The following TIAM1 variants were observed in gnomAD, a reference collection of about 807,000 sequenced individuals.
TIAM1 encodes rho guanine nucleotide exchange factor TIAM1.
TIAM1 carries 65 observed loss-of-function variants against 163.5 expected under a neutral mutation model. The observed-to-expected ratio is 0.40, with a 90% CI of 0.33 to 0.49. The LOEUF is 0.49. Ranked by LOEUF, TIAM1 falls within the 20% of genes least tolerant of loss-of-function variation. The pLI is 0.77. For synonymous variants in TIAM1, 833 were observed against 810.1 expected, an observed-to-expected ratio of 1.03 and a Z score of -0.48; for missense variants, 1,789 against 2,044.7, an observed-to-expected ratio of 0.87 and a Z score of 2.41.
intron 1 of TIAM1, among the ~76,000 whole-genome samples, chr21:31,545,589 G>A (rs991023086): frequency 6.6e-6 from 1 of 152,160 alleles, no homozygotes; most frequent in Non-Finnish European, 1.5e-5. Context: ...TATAAGACTA[G>A]TGTCTAAGGA....
intron 9 of TIAM1, among the ~76,000 whole-genome samples, chr21:31,215,216 T>C (rs1031570304): frequency 3.9e-5 from 6 of 152,100 alleles, no homozygotes; most frequent in Non-Finnish European, 5.9e-5. Flanking sequence ...AAGTCCAAAC[T>C]GTGAAGTCCA....
At chr21:31,126,961 C>T in intron 26 of TIAM1, 104 bp downstream of exon 26, 2 of 1,070,294 alleles carry the variant, frequency 1.9e-6, no homozygotes, top group Non-Finnish European at 2.8e-6. Flanking sequence ...AGTGATGTTA[C>T]AGTACAAACA....
intron 10 of TIAM1, among the ~76,000 whole-genome samples, chr21:31,210,683 GAA>G (rs374708276): frequency 0.012 from 754 of 63,016 alleles, 44 homozygotes; most frequent in African/African-American, 0.042. Context: ...AAGAAAGAAA[GAA>G]AAAGAAAGAA....
intron 15 of TIAM1, among the ~76,000 whole-genome samples, chr21:31,165,975 TCTCTATAGTGGTC>T (rs1166757284): frequency 6.6e-6 from 1 of 152,220 alleles, no homozygotes; most frequent in East Asian, 1.9e-4. Flanking sequence ...CCACAGTGGT[TCTCTATAGTGGTC>T]CTCTGCGTTG....
chr21:31,314,935 G>C (rs977295793), intron 2 of TIAM1, among the ~76,000 whole-genome samples: 1 of 152,186 alleles, frequency 6.6e-6, no homozygotes, highest in Non-Finnish European at 1.5e-5. Flanking sequence ...TTTGTATAAA[G>C]AGCAGTTCCA....
intron 6 of TIAM1, among the ~76,000 whole-genome samples, chr21:31,230,298 GA>G (rs2088335929): frequency 6.6e-6 from 1 of 151,876 alleles, no homozygotes; most frequent in African/African-American, 2.4e-5. Flanking sequence ...TATTTATCCA[GA>G]AGGGACTCAG....
At chr21:31,325,114 T>C (rs896181985) in intron 2 of TIAM1, among the ~76,000 whole-genome samples, 1 of 141,630 alleles carries the variant, frequency 7.1e-6, no homozygotes, top group Non-Finnish European at 1.6e-5. Flanking sequence ...ACCCCATCTC[T>C]ACAAAAAAAA....
At chr21:31,432,969 C>T (rs2147283016) in intron 2 of TIAM1, among the ~76,000 whole-genome samples, 1 of 152,256 alleles carries the variant, frequency 6.6e-6, no homozygotes, top group South Asian at 2.1e-4. Context: ...CTGTGCATTA[C>T]AGATAAAGAA....
At position 31,539,116 on chromosome 21, in the gene TIAM1, C is replaced by T. The variant is rs548186136; in HGVS notation, c.-422+19811G>A. The stretch of plus-strand genomic sequence containing the variant: ...CACACACTCTTAAACATCCATTTGC[C>T]TCCAAGAGCACACACACACCACATA... On this transcript the variant is annotated intron_variant, in intron 1 of 28. Coordinates refer to the TIAM1 transcript ENST00000286827. Among the ~76,000 whole-genome samples the T allele has an allele frequency of 3.3e-5, 5 of 152,284 alleles. No homozygotes were observed. The East Asian group carries it at 9.6e-4, about 29-fold the overall frequency.
chr21:31,305,659 T>A (rs2074680272), intron 2 of TIAM1, among the ~76,000 whole-genome samples: 2 of 152,340 alleles, frequency 1.3e-5, no homozygotes, highest in Non-Finnish European at 2.9e-5. Context: ...GGTTTTAACA[T>A]GACTGAACCC....
At chr21:31,378,154 A>AC (rs1383994381) in intron 2 of TIAM1, among the ~76,000 whole-genome samples, 2 of 151,310 alleles carry the variant, frequency 1.3e-5, no homozygotes, top group Non-Finnish European at 2.9e-5. Flanking sequence ...AAAAAAAAAA[A>AC]AAAGTCATTA....
chr21:31,433,370 G>C (rs552601178), intron 2 of TIAM1, among the ~76,000 whole-genome samples: 1 of 152,318 alleles, frequency 6.6e-6, no homozygotes, highest in East Asian at 1.9e-4. Flanking sequence ...TCATTCAGGT[G>C]ATTAGGTTGA....
chr21:31,463,539 C>T (rs948092425), intron 2 of TIAM1, among the ~76,000 whole-genome samples: 2 of 151,998 alleles, frequency 1.3e-5, no homozygotes, highest in East Asian at 3.9e-4. Flanking sequence ...AGTAAGAGGC[C>T]GGGTGCAGTG....
intron 2 of TIAM1, among the ~76,000 whole-genome samples, chr21:31,377,033 CTTTTTTTTT>C (rs35487868): frequency 4.9e-5 from 4 of 80,954 alleles, no homozygotes; most frequent in Middle Eastern, 0.01. Flanking sequence ...TCATTTTTGT[CTTTTTTTTT>C]TTTTTTTTTT....
intron 15 of TIAM1, among the ~76,000 whole-genome samples, chr21:31,172,919 T>C (rs2084585249): frequency 6.6e-6 from 1 of 152,016 alleles, no homozygotes; most frequent in Non-Finnish European, 1.5e-5. Context: ...ATAGAATTGA[T>C]TGTTGTGAAC....
intron 2 of TIAM1, among the ~76,000 whole-genome samples, chr21:31,293,094 G>A (rs1409050289): frequency 6.6e-6 from 1 of 152,182 alleles, no homozygotes; most frequent in Admixed American, 6.5e-5. Flanking sequence ...AAAGTGTTGG[G>A]ACTACAGGTG....
At chr21:31,293,523 A>G (rs2074112822) in intron 2 of TIAM1, among the ~76,000 whole-genome samples, 1 of 152,224 alleles carries the variant, frequency 6.6e-6, no homozygotes, top group African/African-American at 2.4e-5. Context: ...TAATGCCATC[A>G]ATATTAGCCA....
intron 4 of TIAM1, 145 bp downstream of exon 4, chr21:31,265,865 T>C (rs1477431190): frequency 9.4e-6 from 11 of 1,176,104 alleles, no homozygotes; most frequent in African/African-American, 1.6e-5. Context: ...AGAGAAATCC[T>C]CCCAAAACAG....
intron 1 of TIAM1, among the ~76,000 whole-genome samples, chr21:31,516,784 G>A (rs1201751137): frequency 7.9e-5 from 12 of 151,546 alleles, no homozygotes; most frequent in African/African-American, 2.4e-4. Flanking sequence ...GGCTGGGCTC[G>A]GTGGCTCACA....
Sources: gnomAD v4.1 joint callset for allele counts (sites outside exome capture counted in the v4.1 genomes callset) on GRCh38, gnomAD v4.1.1 for gene constraint, MANE v1.5 for transcripts, NCBI Gene and HGNC (gene_info 2026-07-23, HGNC 2026-07-21) for gene names.